NWD2: variants seen among roughly 807,000 people sequenced by gnomAD.
The protein encoded by NWD2 is NACHT and WD repeat domain containing 2.
In NWD2, 37 loss-of-function variants were observed where a neutral mutation model predicts 132.7. That is an observed-to-expected ratio of 0.28 (90% confidence interval 0.21 to 0.37). The LOEUF is 0.37. Ranked by LOEUF, NWD2 falls within the 10% of genes least tolerant of loss-of-function variation. The probability of loss-of-function intolerance (pLI) is 1.00; values close to 1 mark genes in which losing one functional copy is unlikely to be tolerated. For synonymous variants in NWD2, 705 were observed against 803.0 expected, an observed-to-expected ratio of 0.88 and a Z score of 2.06; for missense variants, 1,592 against 2,122.4, an observed-to-expected ratio of 0.75 and a Z score of 4.91.
intron 1 of NWD2, among the ~76,000 whole-genome samples, chr4:37,324,121 A>G (rs1415612780): frequency 6.6e-6 from 1 of 152,168 alleles, no homozygotes; most frequent in Non-Finnish European, 1.5e-5. Flanking sequence ...TACCCAGGTA[A>G]CAAACCTGCA....
At chr4:37,427,223 G>C (rs951598199) in intron 3 of NWD2, among the ~76,000 whole-genome samples, 1 of 152,022 alleles carries the variant, frequency 6.6e-6, no homozygotes, top group Non-Finnish European at 1.5e-5. Flanking sequence ...TCCCTATTTT[G>C]CCCATGTGGG....
chr4:37,443,928 G>C lies in NWD2; in HGVS notation c.1940G>C (p.Trp647Ser), dbSNP rs1712557131. Reference protein sequence around the residue: ...TVHESIEQLFWSLEKKCGQKL... With the variant: ...TVHESIEQLFSSLEKKCGQKL... ...CATGAAAGTATAGAGCAGTTATTCTGGTCCTTGGAGAAGAAGTGTGGTCAG... is the reference window on the plus strand; with the variant it reads ...CATGAAAGTATAGAGCAGTTATTCTCGTCCTTGGAGAAGAAGTGTGGTCAG... Residue 647 changes from tryptophan to serine, a missense_variant, in exon 7 of 7, where the codon TGG becomes TCG. Coordinates refer to ENST00000309447, the MANE Select transcript of NWD2 (RefSeq NM_001144990.2). This position sits in a 1 kb window ranked among gnomAD's most constrained non-coding sequence, Gnocchi z 4.1. The C allele has an allele frequency of 1.9e-6, 3 of 1,552,328 alleles. No individual in the cohort carries two copies. The highest frequency in any genetic ancestry group is 8.7e-7 in the Non-Finnish European group (1 of 1,147,138).
chr4:37,249,497 T>C (rs1432678248), intron 1 of NWD2, among the ~76,000 whole-genome samples: 1 of 152,132 alleles, frequency 6.6e-6, no homozygotes, highest in African/African-American at 2.4e-5. Flanking sequence ...TAGATCCCTT[T>C]AAACCTTAAC....
chr4:37,245,355 G>A (rs143040243), intron 1 of NWD2, 137 bp downstream of exon 1: 4 of 1,084,664 alleles, frequency 3.7e-6, no homozygotes, highest in Non-Finnish European at 5.1e-6. Flanking sequence ...CGCCCTGAGC[G>A]CGTGGGAATT....
chr4:37,444,997 G>A lies in NWD2; in HGVS notation c.3009G>A (p.Arg1003=), dbSNP rs1190220940. Reference sequence around the variant, plus strand: ...ATGTAGAGACTCGACAGCTACTCAGGCAAATCACCACAGCCCAGTCTGTCA... The same window carrying A: ...ATGTAGAGACTCGACAGCTACTCAGACAAATCACCACAGCCCAGTCTGTCA... ...TWDVETRQLL[R]QITTAQSVIL... The change falls in exon 7 of 7, where the codon AGG becomes AGA. Residue 1003 remains arginine (R), a synonymous_variant. Coordinates refer to ENST00000309447, the MANE Select transcript of NWD2 (RefSeq NM_001144990.2). This position sits in a 1 kb window ranked among gnomAD's most constrained non-coding sequence, Gnocchi z 4.8. 2 of 1,551,828 alleles carry A rather than the reference G, an allele frequency of 1.3e-6. No individual in the cohort carries two copies. The highest frequency in any genetic ancestry group is 2.0e-5 in the Admixed American group (1 of 50,986).
At chr4:37,370,258 G>A (rs1720190643) in intron 3 of NWD2, among the ~76,000 whole-genome samples, 2 of 152,130 alleles carry the variant, frequency 1.3e-5, no homozygotes, top group African/African-American at 2.4e-5. Flanking sequence ...GCTTAGTTCA[G>A]CATTTACACT....
At chr4:37,272,767 C>T (rs1717898409) in intron 1 of NWD2, among the ~76,000 whole-genome samples, 1 of 151,496 alleles carries the variant, frequency 6.6e-6, no homozygotes, top group African/African-American at 2.4e-5. Context: ...TCATTGCTTT[C>T]TTTCTTGTTT....
At chr4:37,332,139 G>A (rs905549882) in intron 2 of NWD2, among the ~76,000 whole-genome samples, 1 of 152,178 alleles carries the variant, frequency 6.6e-6, no homozygotes, top group Non-Finnish European at 1.5e-5. Flanking sequence ...GCAAGTCCTG[G>A]TGCTGGGCTG....
chr4:37,418,631 CA>C (rs35289113), intron 3 of NWD2, among the ~76,000 whole-genome samples: 68,039 of 142,410 alleles, frequency 0.48, 16,277 homozygotes, highest in Non-Finnish European at 0.56. Flanking sequence ...ATCTTTCTCC[CA>C]AAAAAAAAAA....
At chr4:37,328,033 C>A (rs1405048429) in intron 2 of NWD2, among the ~76,000 whole-genome samples, 1 of 152,068 alleles carries the variant, frequency 6.6e-6, no homozygotes. Context: ...TAAGACTCTT[C>A]CTATCTAACC....
Position 37,439,199 on chromosome 4 carries a change from C to T in NWD2, c.1105C>T (p.Leu369Phe), listed in dbSNP as rs1410580624. Reference sequence around the variant, plus strand: ...GAATTTTGACACTGAAACTGATACACTCTATGATGAAATCCTTCAACATTC... The same window carrying T: ...GAATTTTGACACTGAAACTGATACATTCTATGATGAAATCCTTCAACATTC... ...QQNFDTETDTLYDEILQHSSL... is the reference protein window; with the variant it reads ...QQNFDTETDTFYDEILQHSSL... Residue 369 changes from leucine (L) to phenylalanine (F), a missense_variant, in exon 6 of 7, where the codon CTC (leucine) becomes TTC (phenylalanine). Transcript: ENST00000309447. This position sits in a 1 kb window ranked among gnomAD's most constrained non-coding sequence, Gnocchi z 4.5. 4.5e-6 allele frequency: 7 copies of T among 1,550,556 alleles called. No homozygotes were observed. In the East Asian group the frequency reaches 1.5e-4, roughly 32 times the overall value.
chr4:37,357,604 G>C (rs541110222), intron 3 of NWD2, among the ~76,000 whole-genome samples: 1 of 152,204 alleles, frequency 6.6e-6, no homozygotes, highest in East Asian at 1.9e-4. Context: ...TTATTTTGTG[G>C]GCCAGTTCCT....
At chr4:37,299,301 T>C (rs965334578) in intron 1 of NWD2, among the ~76,000 whole-genome samples, 9 of 152,150 alleles carry the variant, frequency 5.9e-5, no homozygotes, top group African/African-American at 9.7e-5. Flanking sequence ...AGACCATCAG[T>C]AATTTGATCC....
intron 1 of NWD2, among the ~76,000 whole-genome samples, chr4:37,306,797 C>A (rs1267722300): frequency 6.6e-6 from 1 of 151,996 alleles, no homozygotes; most frequent in South Asian, 2.1e-4. Context: ...CCAAAGCAGG[C>A]GGATCACACG....
chr4:37,252,331 T>G (rs1717394218), intron 1 of NWD2, among the ~76,000 whole-genome samples: 1 of 152,248 alleles, frequency 6.6e-6, no homozygotes, highest in Non-Finnish European at 1.5e-5. Context: ...AAAGGTAAAC[T>G]ATATACATGA....
At chr4:37,437,585 AAAGGTGTTCAATG>A (rs1291755031) in intron 5 of NWD2, among the ~76,000 whole-genome samples, 2 of 152,190 alleles carry the variant, frequency 1.3e-5, no homozygotes, top group African/African-American at 2.4e-5. Flanking sequence ...CTGGAATATA[AAAGGTGTTCAATG>A]AAGAGCAATT....
At chr4:37,428,182 T>G (rs1712059486) in intron 3 of NWD2, among the ~76,000 whole-genome samples, 1 of 152,234 alleles carries the variant, frequency 6.6e-6, no homozygotes, top group African/African-American at 2.4e-5. Flanking sequence ...TTCAGCTGCC[T>G]GTATCAGATG....
At chr4:37,252,695 G>C (rs1482961568) in intron 1 of NWD2, among the ~76,000 whole-genome samples, 1 of 152,180 alleles carries the variant, frequency 6.6e-6, no homozygotes, top group Non-Finnish European at 1.5e-5. Context: ...CTGGCACCCA[G>C]TTCTCCTCCA....
chr4:37,260,362 C>A (rs1379936496), intron 1 of NWD2, among the ~76,000 whole-genome samples: 1 of 152,150 alleles, frequency 6.6e-6, no homozygotes, highest in Non-Finnish European at 1.5e-5. Flanking sequence ...CCTCTTTGAG[C>A]TGCAGTATTG....
Sources: gnomAD v4.1 joint callset for allele counts (sites outside exome capture counted in the v4.1 genomes callset) on GRCh38, gnomAD v4.1.1 for gene constraint, Gnocchi (gnomAD v3.1) non-coding constraint, MANE v1.5 for transcripts, NCBI Gene and HGNC (gene_info 2026-07-23, HGNC 2026-07-21) for gene names.